ERBB4: variants seen among roughly 807,000 people sequenced by gnomAD.
The protein encoded by ERBB4 is erb-b2 receptor tyrosine kinase 4, also known as receptor tyrosine-protein kinase erbB-4.
In ERBB4, 42 loss-of-function variants were observed where a neutral mutation model predicts 158.0. That is an observed-to-expected ratio of 0.27 (90% confidence interval 0.21 to 0.34). ERBB4 has a LOEUF of 0.34. Ranked by LOEUF, ERBB4 falls within the 10% of genes least tolerant of loss-of-function variation. The probability of loss-of-function intolerance (pLI) is 1.00; values close to 1 mark genes in which losing one functional copy is unlikely to be tolerated. For synonymous variants in ERBB4, 583 were observed against 558.7 expected, an observed-to-expected ratio of 1.04 and a Z score of -0.61; for missense variants, 1,333 against 1,624.1, an observed-to-expected ratio of 0.82 and a Z score of 3.08.
intron 1 of ERBB4, among the ~76,000 whole-genome samples, chr2:212,193,310 C>G (rs1349975555): frequency 6.6e-6 from 1 of 152,130 alleles, no homozygotes; most frequent in African/African-American, 2.4e-5. Context: ...GGTTGTCACT[C>G]TGTAGGCTCA....
At chr2:211,440,611 G>A (rs1263366392) in intron 20 of ERBB4, among the ~76,000 whole-genome samples, 2 of 152,122 alleles carry the variant, frequency 1.3e-5, no homozygotes, top group African/African-American at 4.8e-5. Flanking sequence ...ATAGGGATAT[G>A]TATATACAAT....
chr2:212,393,894 C>A (rs2090950437), intron 1 of ERBB4, among the ~76,000 whole-genome samples: 1 of 152,030 alleles, frequency 6.6e-6, no homozygotes. Context: ...ACTTCTAGGC[C>A]AGATGCAAAA....
chr2:212,357,612 C>A (rs576230961), intron 1 of ERBB4, among the ~76,000 whole-genome samples: 33 of 151,724 alleles, frequency 2.2e-4, no homozygotes, highest in African/African-American at 8.0e-4. Context: ...CAGAGAAGCC[C>A]AGACACTGAA....
chr2:212,101,141 G>A (rs2125516785), intron 2 of ERBB4, among the ~76,000 whole-genome samples: 1 of 151,882 alleles, frequency 6.6e-6, no homozygotes, highest in East Asian at 1.9e-4. Context: ...ACGGTTTTAA[G>A]TTATGATCTT....
intron 12 of ERBB4, among the ~76,000 whole-genome samples, chr2:211,682,088 ACAC>A (rs1328786849): frequency 2.1e-5 from 3 of 145,832 alleles, no homozygotes; most frequent in African/African-American, 7.5e-5. Context: ...ACACACACAC[ACAC>A]AATTGGCTCA....
At chr2:211,983,650 T>C (rs1037393306) in intron 2 of ERBB4, among the ~76,000 whole-genome samples, 1 of 152,174 alleles carries the variant, frequency 6.6e-6, no homozygotes, top group Non-Finnish European at 1.5e-5. Flanking sequence ...ATGTCATATT[T>C]AGAAATAAAA....
chr2:212,384,912 TATATATATAC>T (rs1183777022), intron 1 of ERBB4, among the ~76,000 whole-genome samples: 50 of 140,754 alleles, frequency 3.6e-4, no homozygotes, highest in African/African-American at 1.1e-3. Context: ...TATATATATA[TATATATATAC>T]ACACACACAC....
intron 20 of ERBB4, among the ~76,000 whole-genome samples, chr2:211,494,114 G>T (rs10427364): frequency 0.08 from 12,212 of 152,008 alleles, 512 homozygotes; most frequent in Middle Eastern, 0.15. Flanking sequence ...ACAATTCTTG[G>T]GCTTCAGTCT....
chr2:212,288,705 C>G (rs1047854389), intron 1 of ERBB4, among the ~76,000 whole-genome samples: 11 of 151,958 alleles, frequency 7.2e-5, no homozygotes, highest in African/African-American at 2.4e-4. Flanking sequence ...GGTTGTGTGA[C>G]GAGAACCCCG....
intron 1 of ERBB4, among the ~76,000 whole-genome samples, chr2:212,477,869 CAG>C (rs1046005242): frequency 2.0e-5 from 3 of 152,072 alleles, no homozygotes; most frequent in Non-Finnish European, 4.4e-5. Context: ...GGACAGGAAA[CAG>C]ATAATGATTC....
At chr2:212,473,784 G>C (rs143388659) in intron 1 of ERBB4, among the ~76,000 whole-genome samples, 1 of 151,880 alleles carries the variant, frequency 6.6e-6, no homozygotes, top group African/African-American at 2.4e-5. Context: ...TTTTCTCAGA[G>C]TTCATAAGAT....
At chr2:211,686,945 T>C (rs1041678936) in intron 12 of ERBB4, among the ~76,000 whole-genome samples, 1 of 152,042 alleles carries the variant, frequency 6.6e-6, no homozygotes, top group African/African-American at 2.4e-5. Flanking sequence ...ATGGATTTTA[T>C]AGGTGGGCAG....
At chr2:212,508,991 C>T (rs930040596) in intron 1 of ERBB4, among the ~76,000 whole-genome samples, 6 of 152,060 alleles carry the variant, frequency 3.9e-5, no homozygotes, top group Non-Finnish European at 7.4e-5. Context: ...TATTTATTTT[C>T]TAATGTCCTT....
At chr2:211,968,166 C>G (rs1218442930) in intron 2 of ERBB4, among the ~76,000 whole-genome samples, 1 of 151,968 alleles carries the variant, frequency 6.6e-6, no homozygotes, top group Non-Finnish European at 1.5e-5. Context: ...AACATTCTTT[C>G]ACTTTTTTCA....
intron 1 of ERBB4, among the ~76,000 whole-genome samples, chr2:212,366,829 A>T (rs1245214818): frequency 2.0e-5 from 3 of 152,064 alleles, no homozygotes; most frequent in Non-Finnish European, 4.4e-5. Flanking sequence ...TCAAAATTAT[A>T]AAAATATTAT....
intron 13 of ERBB4, among the ~76,000 whole-genome samples, chr2:211,677,671 G>A (rs1017316462): frequency 1.3e-5 from 2 of 151,222 alleles, no homozygotes; most frequent in African/African-American, 4.9e-5. Context: ...TCAGGAGATC[G>A]AGACCATCCT....
intron 1 of ERBB4, among the ~76,000 whole-genome samples, chr2:212,209,290 C>A (rs2082861274): frequency 6.6e-6 from 1 of 152,086 alleles, no homozygotes; most frequent in Non-Finnish European, 1.5e-5. Context: ...TTTTAAAATG[C>A]ATATTACTTT....
In ERBB4 at chr2:211,955,976, G is replaced by T. The variant is rs563713641; in HGVS notation, c.235-8360C>A. 3.4e-3 allele frequency among the ~76,000 whole-genome samples: 523 copies of T among 151,642 alleles called. 2 individuals are homozygous for T. Among genetic ancestry groups the T allele is most frequent in the Non-Finnish European group, 4.6e-3 (313 of 67,856 alleles). ...TACATAATAACACAAACTTTCAATT[G>T]TAAGTATACATATTTCAAAAAATTC... On this transcript the variant is annotated intron_variant, in intron 2 of 27. Coordinates refer to ENST00000342788, the MANE Select transcript of ERBB4 (RefSeq NM_005235.3).
intron 1 of ERBB4, among the ~76,000 whole-genome samples, chr2:212,291,021 T>G (rs908170817): frequency 6.6e-6 from 1 of 152,080 alleles, no homozygotes; most frequent in South Asian, 2.1e-4. Flanking sequence ...TACCTATGTA[T>G]GTTTTCTATG....
Sources: allele counts gnomAD v4.1 joint callset (sites outside exome capture counted in the v4.1 genomes callset), GRCh38; gene constraint gnomAD v4.1.1; transcripts MANE v1.5; gene names NCBI Gene and HGNC (gene_info 2026-07-23, HGNC 2026-07-21).